The following RIPOR3 variants were observed in gnomAD, a reference collection of about 807,000 sequenced individuals.
RIPOR3 encodes RIPOR family member 3, also known as family with sequence similarity 65 member C.
In RIPOR3, 95 loss-of-function variants were observed where a neutral mutation model predicts 114.3. The ratio of observed to expected loss-of-function variants is 0.83; its 90% CI spans 0.70 to 0.99. The LOEUF (loss-of-function observed/expected upper bound fraction) is 0.99, where lower values mean the gene tolerates loss of function less well. Among genes scored for constraint, RIPOR3 ranks in the 50% least tolerant of loss-of-function variants. The pLI, the probability that RIPOR3 is intolerant of heterozygous loss-of-function variation, is 0.00. For missense variants in RIPOR3, 1,252 were observed against 1,266.9 expected (o/e 0.99, Z 0.18); for synonymous variants, 575 against 543.8 (o/e 1.06, Z -0.80).
intron 14 of RIPOR3, 41 bp downstream of exon 14, chr20:50,597,539 G>A (rs1159519722): frequency 6.3e-7 from 1 of 1,576,542 alleles, no homozygotes; most frequent in Non-Finnish European, 8.6e-7. Flanking sequence ...CCCGGTGGGA[G>A]TGGTGGCCAC....
At chr20:50,614,198 G>A (rs1171737055) in intron 4 of RIPOR3, among the ~76,000 whole-genome samples, 1 of 152,128 alleles carries the variant, frequency 6.6e-6, no homozygotes, top group Non-Finnish European at 1.5e-5. Context: ...ACCACGCCTG[G>A]CTAATTTTTG....
chr20:50,679,135 A>AAATATATATATAT (rs2086773516), intron 1 of RIPOR3, among the ~76,000 whole-genome samples: 1 of 20,776 alleles, frequency 4.8e-5, no homozygotes, highest in African/African-American at 1.3e-4. Flanking sequence ...AAAAAAAAAA[A>AAATATATATATAT]ATATATATAT....
chr20:50,608,501 C>T lies in RIPOR3; in HGVS notation c.844G>A (p.Val282Met). ...TELRGLGSLA[V>M]GAVTCDIADF... is the part of the protein sequence containing the mutation. ...GCGATGTCACACGTCACTGCACCCA[C>T]AGCCAGCGAGCCCAGGCCCCGCAAC... Residue 282 changes from valine (V) to methionine (M), a missense_variant, in exon 11 of 22, where the codon GTG becomes ATG. Transcript: ENST00000327979. 6.2e-7 allele frequency: 1 copy of T among 1,613,944 alleles called. No individual in the cohort carries two copies. Among genetic ancestry groups the T allele is most frequent in the Non-Finnish European group, 8.5e-7 (1 of 1,179,930 alleles).
chr20:50,620,039 G>T lies in RIPOR3; in HGVS notation c.216C>A (p.Asp72Glu). ...TCTTCTTCACCTGCTGGGGCTTCGG[G>T]TCTGCACAGACCGACCCCTTCCGCA... is the stretch of plus-strand genomic sequence containing the variant. ...GTLRKGSVCA[D>E]PKPQQVKKIF... Residue 72 changes from aspartate (D) to glutamate (E), a missense_variant, in exon 3 of 22, where the codon GAC becomes GAA. By Grantham distance (45) the Asp-to-Glu change is conservative. Coordinates refer to ENST00000327979, the MANE Select transcript of RIPOR3 (RefSeq NM_001290268.2). The T allele has an allele frequency of 6.2e-7, 1 of 1,614,132 alleles. No homozygotes were observed. The highest frequency in any genetic ancestry group is 8.5e-7 in the Non-Finnish European group (1 of 1,179,998).
chr20:50,588,131 A>T (rs1047535360), intron 20 of RIPOR3, among the ~76,000 whole-genome samples: 8 of 152,214 alleles, frequency 5.3e-5, no homozygotes, highest in African/African-American at 1.9e-4. Context: ...TGTTAGCAGA[A>T]CTCGTCATCC....
chr20:50,644,490 CT>C lies in RIPOR3; in HGVS notation c.4-13635del, dbSNP rs551805497. 7.0e-3 allele frequency among the ~76,000 whole-genome samples: 1,058 copies of C among 151,618 alleles called. 7 individuals are homozygous for C. The highest frequency in any genetic ancestry group is 0.01 in the Middle Eastern group (3 of 294). Reference sequence around the variant, plus strand: ...GATTGGTACATATTTCTTTTCTTTTCTTTTTTTTCTTTGAGGCAAGATCTGG... The same window carrying C: ...GATTGGTACATATTTCTTTTCTTTTCTTTTTTTCTTTGAGGCAAGATCTGG... On this transcript the variant is annotated intron_variant, in intron 1 of 21. Coordinates refer to ENST00000327979, the MANE Select transcript of RIPOR3 (RefSeq NM_001290268.2).
intron 1 of RIPOR3, among the ~76,000 whole-genome samples, chr20:50,689,533 G>T (rs984152502): frequency 2.0e-5 from 3 of 152,170 alleles, no homozygotes; most frequent in African/African-American, 7.2e-5. Context: ...TAAGTTCTCA[G>T]TTCGGAACTT....
intron 3 of RIPOR3, 150 bp from the exon 4 acceptor site, chr20:50,616,230 G>A: frequency 2.8e-6 from 2 of 703,944 alleles, no homozygotes; most frequent in Non-Finnish European, 4.8e-6. Context: ...CCTCACACTG[G>A]GGGCTGTGTG....
chr20:50,682,612 A>ATATGTGTGTGTGTGTGTGTGTGTG (rs145272267), intron 1 of RIPOR3, among the ~76,000 whole-genome samples: 22 of 146,792 alleles, frequency 1.5e-4, no homozygotes, highest in Admixed American at 9.6e-4. Context: ...GTCTCAAAAT[A>ATATGTGTGTGTGTGTGTGTGTGTG]TGTGTGTGTG....
At chr20:50,687,054 T>G (rs1343546763) in intron 1 of RIPOR3, among the ~76,000 whole-genome samples, 1 of 152,228 alleles carries the variant, frequency 6.6e-6, no homozygotes, top group Non-Finnish European at 1.5e-5. Context: ...TCTGACTTGT[T>G]CCAAGATGCC....
At chr20:50,674,035 G>T (rs1166803885) in intron 1 of RIPOR3, among the ~76,000 whole-genome samples, 2 of 152,182 alleles carry the variant, frequency 1.3e-5, no homozygotes, top group Non-Finnish European at 2.9e-5. Flanking sequence ...CCGGACACGA[G>T]CGTTCCAAGG....
intron 1 of RIPOR3, among the ~76,000 whole-genome samples, chr20:50,642,345 G>GGTGTGT (rs71190581): frequency 8.3e-5 from 8 of 96,398 alleles, no homozygotes; most frequent in East Asian, 2.9e-4. Flanking sequence ...GTTCTCTGTG[G>GGTGTGT]GTGTGTGTGT....
intron 8 of RIPOR3, 105 bp from the exon 9 acceptor site, chr20:50,609,060 T>TGGGGTGAGGATG: frequency 6.7e-7 from 1 of 1,484,184 alleles, no homozygotes; most frequent in South Asian, 1.2e-5. Flanking sequence ...TCAGTTTCAG[T>TGGGGTGAGGATG]GGGGTGAGGA....
intron 1 of RIPOR3, among the ~76,000 whole-genome samples, chr20:50,668,013 C>G (rs2086316491): frequency 6.6e-6 from 1 of 152,032 alleles, no homozygotes; most frequent in Non-Finnish European, 1.5e-5. Context: ...CCATGGCCCT[C>G]TCATGAGACT....
chr20:50,633,738 G>C (rs925159445), intron 1 of RIPOR3, among the ~76,000 whole-genome samples: 1 of 152,116 alleles, frequency 6.6e-6, no homozygotes, highest in Non-Finnish European at 1.5e-5. Flanking sequence ...AGTTCCTCCC[G>C]ATGCAAAGCT....
intron 1 of RIPOR3, among the ~76,000 whole-genome samples, chr20:50,682,633 C>T (rs1047006356): frequency 5.2e-4 from 12 of 23,082 alleles, no homozygotes; most frequent in African/African-American, 8.7e-4. Flanking sequence ...TGTGTGTCTG[C>T]ATGTATGTGC....
intron 1 of RIPOR3, among the ~76,000 whole-genome samples, chr20:50,690,344 G>A (rs375486665): frequency 5.3e-5 from 8 of 152,114 alleles, no homozygotes. Flanking sequence ...AGCCTCCTAC[G>A]ACAAGGCAGC....
intron 1 of RIPOR3, among the ~76,000 whole-genome samples, chr20:50,647,644 G>A (rs1419818168): frequency 5.3e-5 from 8 of 151,410 alleles, no homozygotes; most frequent in Non-Finnish European, 1.0e-4. Flanking sequence ...TACCATGCCC[G>A]GCTAATTTTT....
chr20:50,685,224 T>G (rs1271975083), intron 1 of RIPOR3, among the ~76,000 whole-genome samples: 1 of 146,430 alleles, frequency 6.8e-6, no homozygotes, highest in African/African-American at 2.5e-5. Flanking sequence ...GGGATAGAAT[T>G]TTTTTTTTTT....
Sources: gnomAD v4.1 joint callset for allele counts (sites outside exome capture counted in the v4.1 genomes callset) on GRCh38, gnomAD v4.1.1 for gene constraint, MANE v1.5 for transcripts, NCBI Gene and HGNC (gene_info 2026-07-23, HGNC 2026-07-21) for gene names.